Variants in DPP6 observed in about 807,000 individuals in gnomAD.
DPP6 encodes the protein dipeptidyl peptidase like 6, also known as A-type potassium channel modulatory protein DPP6.
DPP6 carries 69 observed loss-of-function variants against 122.6 expected under a neutral mutation model. The ratio of observed to expected loss-of-function variants is 0.56; its 90% CI spans 0.46 to 0.69. The LOEUF is 0.69. Ranked by LOEUF, DPP6 falls within the 30% of genes least tolerant of loss-of-function variation. The probability of loss-of-function intolerance (pLI) is 0.00; values close to 1 mark genes in which losing one functional copy is unlikely to be tolerated. For missense variants in DPP6, 928 were observed against 1,116.9 expected (o/e 0.83, Z 2.41); for synonymous variants, 418 against 433.1 (o/e 0.97, Z 0.43).
chr7:154,575,260 GT>G (rs1773731162), intron 5 of DPP6, among the ~76,000 whole-genome samples: 1 of 125,218 alleles, frequency 8.0e-6, no homozygotes, highest in Non-Finnish European at 1.7e-5. Context: ...TGTGTGGTGT[GT>G]ATGTGGTATG....
At chr7:154,782,363 A>T (rs1797078513) in intron 10 of DPP6, among the ~76,000 whole-genome samples, 1 of 152,212 alleles carries the variant, frequency 6.6e-6, no homozygotes, top group South Asian at 2.1e-4. Flanking sequence ...AAAATGCTTC[A>T]ATATCTCTCT....
chr7:154,727,930 T>C, intron 8 of DPP6, 43 bp downstream of exon 8: 6 of 1,554,504 alleles, frequency 3.9e-6, no homozygotes, highest in Non-Finnish European at 5.2e-6. Context: ...TTGTGGTTGC[T>C]GCTGCTGCTA....
rs1004630341 is a variant in DPP6 at position 154,444,195 on chromosome 7, C to T, written c.244-2019C>T. ...AGGCTTGGCCAGGCGCGGTGGCTCA[C>T]GCCTGTAATCCCAGCACTTTGGGAG... On this transcript the variant is annotated intron_variant, in intron 1 of 25. Coordinates refer to ENST00000377770, the MANE Select transcript of DPP6 (RefSeq NM_130797.4). Among the ~76,000 whole-genome samples, 41 of 152,194 alleles carry T rather than the reference C, an allele frequency of 2.7e-4. 1 individual carries two copies. The highest frequency in any genetic ancestry group is 9.1e-4 in the African/African-American group (38 of 41,536).
At chr7:153,982,838 A>G (rs1353593144) in intron 1 of DPP6, among the ~76,000 whole-genome samples, 1 of 152,026 alleles carries the variant, frequency 6.6e-6, no homozygotes, top group East Asian at 1.9e-4. Flanking sequence ...CTGGAGGTCC[A>G]CTCCAGACCC....
intron 25 of DPP6, chr7:154,889,992 A>G (rs1806469321): frequency 6.1e-6 from 1 of 164,284 alleles, no homozygotes; most frequent in Admixed American, 5.9e-5. Flanking sequence ...TCCTGGGGCC[A>G]TCTGTAGCTA....
At chr7:154,763,457 G>T (rs1025702928) in intron 8 of DPP6, among the ~76,000 whole-genome samples, 1 of 152,036 alleles carries the variant, frequency 6.6e-6, no homozygotes, top group East Asian at 1.9e-4. Context: ...AGAGAGAGAT[G>T]AAATAAATAT....
chr7:154,283,839 G>A (rs1371463864), intron 1 of DPP6, among the ~76,000 whole-genome samples: 1 of 152,116 alleles, frequency 6.6e-6, no homozygotes, highest in Non-Finnish European at 1.5e-5. Flanking sequence ...TGGGACATTT[G>A]CTCCTTATTC....
chr7:153,805,632 C>T, the DPP6 span, among the ~76,000 whole-genome samples: 2 of 152,054 alleles, frequency 1.3e-5, no homozygotes, highest in Non-Finnish European at 2.9e-5. Context: ...GACTGGATTA[C>T]AAAAATGTGG....
chr7:153,757,820 G>T, the DPP6 span, among the ~76,000 whole-genome samples: 1 of 149,282 alleles, frequency 6.7e-6, no homozygotes, highest in African/African-American at 2.6e-5. Context: ...AGCCAGGCAC[G>T]GTGTGGTGCA....
At chr7:154,335,488 G>T (rs939225790) in intron 1 of DPP6, among the ~76,000 whole-genome samples, 10 of 152,190 alleles carry the variant, frequency 6.6e-5, no homozygotes, top group Admixed American at 1.3e-4. Flanking sequence ...ACAATGTGCA[G>T]ACGTAGGTCA....
At chr7:153,788,758 G>T in the DPP6 span, among the ~76,000 whole-genome samples, 4 of 152,260 alleles carry the variant, frequency 2.6e-5, no homozygotes, top group East Asian at 7.7e-4. Context: ...GAGGTCAGGA[G>T]TTCGAGACCA....
chr7:154,733,700 A>G (rs1842446015), intron 8 of DPP6, among the ~76,000 whole-genome samples: 1 of 152,190 alleles, frequency 6.6e-6, no homozygotes, highest in Admixed American at 6.5e-5. Flanking sequence ...TCACACTTTC[A>G]TGGAAGAAAA....
intron 7 of DPP6, among the ~76,000 whole-genome samples, chr7:154,674,773 G>A (rs566378373): frequency 2.0e-5 from 3 of 152,258 alleles, no homozygotes; most frequent in East Asian, 3.9e-4. Context: ...TGGGGAGAGA[G>A]CTGTCCCCAA....
At chr7:154,697,372 G>T (rs1018633950) in intron 7 of DPP6, among the ~76,000 whole-genome samples, 1 of 152,180 alleles carries the variant, frequency 6.6e-6, no homozygotes, top group Non-Finnish European at 1.5e-5. Flanking sequence ...TCAGGCCAGG[G>T]CTTCCAAGTC....
chr7:154,075,461 G>A (rs1482359105), intron 1 of DPP6, among the ~76,000 whole-genome samples: 2 of 152,022 alleles, frequency 1.3e-5, no homozygotes, highest in African/African-American at 4.8e-5. Flanking sequence ...ATACACCATG[G>A]AATACTACTC....
At chr7:154,671,903 T>C (rs931080013) in intron 7 of DPP6, among the ~76,000 whole-genome samples, 1 of 151,514 alleles carries the variant, frequency 6.6e-6, no homozygotes, top group Non-Finnish European at 1.5e-5. Context: ...TAGCTAGCCA[T>C]CCTGGGGCTT....
At chr7:154,053,595 C>CT (rs921201273) in intron 1 of DPP6, among the ~76,000 whole-genome samples, 1 of 151,788 alleles carries the variant, frequency 6.6e-6, no homozygotes, top group Non-Finnish European at 1.5e-5. Context: ...CTCCTAGACA[C>CT]TTTTTCCCCC....
intron 1 of DPP6, among the ~76,000 whole-genome samples, chr7:153,990,244 G>A (rs1383544079): frequency 9.4e-6 from 1 of 106,362 alleles, no homozygotes; most frequent in East Asian, 2.9e-4. Context: ...CCACCCTCAG[G>A]CAGCCCCACC....
intron 1 of DPP6, among the ~76,000 whole-genome samples, chr7:153,906,948 A>G (rs553785165): frequency 1.3e-5 from 2 of 152,358 alleles, no homozygotes; most frequent in South Asian, 4.1e-4. Flanking sequence ...TGTTGTGAAT[A>G]GTGCTGCAAT....
Sources: allele counts gnomAD v4.1 joint callset (sites outside exome capture counted in the v4.1 genomes callset), GRCh38; gene constraint gnomAD v4.1.1; transcripts MANE v1.5; gene names NCBI Gene and HGNC (gene_info 2026-07-23, HGNC 2026-07-21).